NCKAP5: variants seen among roughly 807,000 people sequenced by gnomAD.
NCKAP5 encodes nck-associated protein 5.
NCKAP5 carries 92 observed loss-of-function variants against 167.0 expected under a neutral mutation model. The observed-to-expected ratio is 0.55, with a 90% CI of 0.47 to 0.66. The LOEUF is 0.66. Among genes scored for constraint, NCKAP5 ranks in the 30% least tolerant of loss-of-function variants. The pLI is 0.00. For missense variants in NCKAP5, 2,378 were observed against 2,315.0 expected, an observed-to-expected ratio of 1.03 and a Z score of -0.56; for synonymous variants, 891 against 877.4, an observed-to-expected ratio of 1.02 and a Z score of -0.27.
intron 3 of NCKAP5, among the ~76,000 whole-genome samples, chr2:133,505,696 G>A (rs1015770112): frequency 4.6e-5 from 7 of 152,160 alleles, no homozygotes; most frequent in Admixed American, 2.0e-4. Context: ...ATCCAGTTCA[G>A]CCTCATTCTC....
chr2:133,039,209 T>G (rs1283958770), intron 6 of NCKAP5, among the ~76,000 whole-genome samples: 3 of 152,166 alleles, frequency 2.0e-5, no homozygotes, highest in African/African-American at 7.2e-5. Context: ...CAGCAATGGG[T>G]GTTAGATCAC....
chr2:133,562,647 C>T (rs1187744842), intron 1 of NCKAP5, among the ~76,000 whole-genome samples: 2 of 152,184 alleles, frequency 1.3e-5, no homozygotes, highest in Non-Finnish European at 2.9e-5. Flanking sequence ...TTGGGACTCT[C>T]CTCTTTCCTC....
intron 8 of NCKAP5, among the ~76,000 whole-genome samples, chr2:132,898,948 C>A (rs905019840): frequency 1.3e-5 from 2 of 152,180 alleles, no homozygotes; most frequent in African/African-American, 4.8e-5. Context: ...TCACCAGCTG[C>A]ATTAGTGCCT....
chr2:132,785,122 C>T lies in NCKAP5; in HGVS notation c.1689G>A (p.Arg563=), dbSNP rs199840703. ...SVQTPQVQRE[R]GPQGQGHGRM... ...GGCCATGGCCTTGGCCCTGTGGGCCCCTCTCCCTCTGTACCTGAGGCGTCT... is the reference window on the plus strand; with the variant it reads ...GGCCATGGCCTTGGCCCTGTGGGCCTCTCTCCCTCTGTACCTGAGGCGTCT... The change falls in exon 14 of 20, where the codon AGG becomes AGA. Residue 563 remains arginine (R), a synonymous_variant. Transcript: ENST00000409261. 1.1e-4 allele frequency: 181 copies of T among 1,613,650 alleles called. No homozygotes were observed. The African/African-American group carries it at 2.2e-3, about 20-fold the overall frequency.
chr2:132,722,468 C>T (rs1046054563), intron 19 of NCKAP5, among the ~76,000 whole-genome samples: 1 of 152,222 alleles, frequency 6.6e-6, no homozygotes, highest in Non-Finnish European at 1.5e-5. Flanking sequence ...TCTTCCTTCA[C>T]AGGGTCTTCC....
chr2:133,259,892 A>G (rs1412098742), intron 4 of NCKAP5, among the ~76,000 whole-genome samples: 1 of 152,180 alleles, frequency 6.6e-6, no homozygotes, highest in Non-Finnish European at 1.5e-5. Flanking sequence ...TATTTATTAA[A>G]CACTTACTAG....
intron 5 of NCKAP5, among the ~76,000 whole-genome samples, chr2:133,132,511 AC>A (rs2082641854): frequency 6.7e-6 from 1 of 150,356 alleles, no homozygotes; most frequent in Admixed American, 6.7e-5. Flanking sequence ...ACACACACAC[AC>A]ACACAAACCC....
At chr2:133,630,923 G>C in the NCKAP5 span, among the ~76,000 whole-genome samples, 19 of 152,206 alleles carry the variant, frequency 1.2e-4, no homozygotes, top group African/African-American at 4.6e-4. Context: ...AATAAAAGCT[G>C]AATTATGAAA....
chr2:133,319,458 CCT>C (rs1681873962), intron 3 of NCKAP5, among the ~76,000 whole-genome samples: 1 of 151,900 alleles, frequency 6.6e-6, no homozygotes, highest in Non-Finnish European at 1.5e-5. Context: ...CGGGATGTTA[CCT>C]TTTTTTTTAA....
intron 3 of NCKAP5, among the ~76,000 whole-genome samples, chr2:133,395,155 A>C (rs1687656720): frequency 6.6e-6 from 1 of 152,238 alleles, no homozygotes; most frequent in Non-Finnish European, 1.5e-5. Context: ...GTTTTCTAAA[A>C]GGTTAGTGAG....
rs111994994 is a variant in NCKAP5 at position 132,725,218 on chromosome 2, G to A, written c.5713+409C>T. On this transcript the variant is annotated intron_variant, in intron 19 of 19. Coordinates refer to ENST00000409261, the MANE Select transcript of NCKAP5 (RefSeq NM_207363.3). ...CTCACAAACAGACCTGTTCATAATG[G>A]CACAGCTAACAGGTCCAGGGCTACA... 4.1e-3 allele frequency among the ~76,000 whole-genome samples: 627 copies of A among 152,290 alleles called. 6 individuals carry two copies. The highest frequency in any genetic ancestry group is 0.013 in the African/African-American group (534 of 41,546).
chr2:133,526,068 A>AAT (rs983941689), intron 2 of NCKAP5, among the ~76,000 whole-genome samples: 3 of 151,950 alleles, frequency 2.0e-5, no homozygotes, highest in South Asian at 2.1e-4. Context: ...AAAATTAAGT[A>AAT]ATATATATTC....
chr2:132,963,128 A>G (rs979915830), intron 8 of NCKAP5, among the ~76,000 whole-genome samples: 1 of 152,230 alleles, frequency 6.6e-6, no homozygotes, highest in Non-Finnish European at 1.5e-5. Flanking sequence ...AACACTTGAA[A>G]TAATGTCGAA....
chr2:133,238,268 T>C (rs2087515813), intron 4 of NCKAP5, among the ~76,000 whole-genome samples: 1 of 152,200 alleles, frequency 6.6e-6, no homozygotes, highest in Non-Finnish European at 1.5e-5. Flanking sequence ...GAGTGGCTCA[T>C]GTGCTTGAGG....
intron 5 of NCKAP5, among the ~76,000 whole-genome samples, chr2:133,150,144 C>T (rs1239228638): frequency 6.6e-6 from 1 of 152,126 alleles, no homozygotes; most frequent in African/African-American, 2.4e-5. Context: ...CAACTGTGAT[C>T]CAAATATAAA....
chr2:133,619,662 A>T, the NCKAP5 span, among the ~76,000 whole-genome samples: 1 of 152,168 alleles, frequency 6.6e-6, no homozygotes, highest in Non-Finnish European at 1.5e-5. Flanking sequence ...AGAAATCTAA[A>T]AATTTGAAAA....
chr2:133,140,578 C>G (rs1178671533), intron 5 of NCKAP5, among the ~76,000 whole-genome samples: 4 of 152,120 alleles, frequency 2.6e-5, no homozygotes, highest in African/African-American at 7.2e-5. Flanking sequence ...AACACCTGTT[C>G]TGCCTCAACT....
Position 132,731,986 on chromosome 2 carries a change from T to A in NCKAP5, c.5194A>T (p.Asn1732Tyr). The A allele has an allele frequency of 6.2e-7, 1 of 1,613,870 alleles. No homozygotes were observed. Among genetic ancestry groups the A allele is most frequent in the Non-Finnish European group, 8.5e-7 (1 of 1,179,862 alleles). ...CATAGGTAGCGTCCTGTCGAGCGAT[T>A]TCCCGAGTCTGGGAGTGGAAAGGTT... is the stretch of plus-strand genomic sequence containing the variant. ...IGTFPLPDSG[N>Y]RSTGRYLCQP... The change falls in exon 17 of 20, where the codon AAT becomes TAT. Residue 1732 changes from asparagine (N) to tyrosine (Y), a missense_variant. Asn to Tyr is a moderately radical substitution (Grantham distance 143). Around this residue, in one of 3 missense-constraint regions of NCKAP5, gnomAD observed 1,325 missense variants for 1,274.5 expected, o/e 1.04. Coordinates refer to ENST00000409261, the MANE Select transcript of NCKAP5 (RefSeq NM_207363.3).
At chr2:133,242,119 C>CAAAAAAAAAA (rs1176776551) in intron 4 of NCKAP5, among the ~76,000 whole-genome samples, 1 of 48,278 alleles carries the variant, frequency 2.1e-5, no homozygotes, top group Non-Finnish European at 4.5e-5. Flanking sequence ...AACTCTGTCT[C>CAAAAAAAAAA]AAAAAAAAAA....
Sources: allele counts gnomAD v4.1 joint callset (sites outside exome capture counted in the v4.1 genomes callset), GRCh38; gene constraint gnomAD v4.1.1; regional missense constraint gnomAD v4.1.1; transcripts MANE v1.5; gene names NCBI Gene and HGNC (gene_info 2026-07-23, HGNC 2026-07-21).